Variants in AFF2 observed in about 807,000 individuals in gnomAD.
The protein encoded by AFF2 is AF4/FMR2 family member 2.
In AFF2, 14 loss-of-function variants were observed where a neutral mutation model predicts 76.9. The ratio of observed to expected loss-of-function variants is 0.18; its 90% CI spans 0.12 to 0.28. AFF2 has a LOEUF of 0.28. Ranked by LOEUF, AFF2 falls within the 10% of genes least tolerant of loss-of-function variation. The pLI is 1.00. For missense variants in AFF2, 868 were observed against 1,001.1 expected, an observed-to-expected ratio of 0.87 and a Z score of 1.79; for synonymous variants, 398 against 366.7, an observed-to-expected ratio of 1.09 and a Z score of -0.98.
At chrX:148,820,310 G>A (rs1180440331) in intron 4 of AFF2, among the ~76,000 whole-genome samples, 1 of 111,234 alleles carries the variant, frequency 9.0e-6, no homozygotes, top group East Asian at 2.8e-4. Flanking sequence ...GAGGGACACT[G>A]GTAATTTATA....
At chrX:148,622,177 C>A (rs2053875627) in intron 1 of AFF2, among the ~76,000 whole-genome samples, 1 of 111,855 alleles carries the variant, frequency 8.9e-6, no homozygotes, top group Admixed American at 9.5e-5. Context: ...ACAATGATTT[C>A]TATTATTCAG....
chrX:148,814,334 G>A (rs1354800275), intron 4 of AFF2, among the ~76,000 whole-genome samples: 1 of 111,947 alleles, frequency 8.9e-6, no homozygotes, highest in African/African-American at 3.2e-5. Flanking sequence ...ATGATTATTT[G>A]TTCTACAGTA....
chrX:148,710,033 A>G (rs1189845169), intron 3 of AFF2, among the ~76,000 whole-genome samples: 2 of 112,028 alleles, frequency 1.8e-5, no homozygotes, highest in African/African-American at 6.5e-5. Context: ...CAGAACCTAG[A>G]ATAGTCATGG....
At chrX:148,793,132 C>T (rs782450261) in intron 3 of AFF2, among the ~76,000 whole-genome samples, 1 of 110,860 alleles carries the variant, frequency 9.0e-6, no homozygotes, top group Non-Finnish European at 1.9e-5. Context: ...TACACACTAG[C>T]TAACCTCACC....
At chrX:148,670,425 G>A (rs1420991683) in intron 3 of AFF2, among the ~76,000 whole-genome samples, 1 of 111,908 alleles carries the variant, frequency 8.9e-6, no homozygotes, top group Non-Finnish European at 1.9e-5. Flanking sequence ...GTGCATATTA[G>A]TCATATTAGT....
intron 1 of AFF2, among the ~76,000 whole-genome samples, chrX:148,616,074 A>G (rs1238998391): frequency 5.4e-5 from 6 of 111,955 alleles, no homozygotes; most frequent in African/African-American, 1.9e-4. Flanking sequence ...TTATTCAAGC[A>G]TACAAACAGA....
At chrX:148,850,104 T>C (rs950778987) in intron 7 of AFF2, among the ~76,000 whole-genome samples, 1 of 111,682 alleles carries the variant, frequency 9.0e-6, no homozygotes, top group African/African-American at 3.3e-5. Context: ...AATATTCCCT[T>C]CAGTGAGGCT....
At chrX:148,885,672 AG>A (rs1208751891) in intron 7 of AFF2, among the ~76,000 whole-genome samples, 1 of 111,618 alleles carries the variant, frequency 9.0e-6, no homozygotes, top group Admixed American at 9.5e-5. Flanking sequence ...CCCTTGATTT[AG>A]GGGAAGGTAG....
intron 1 of AFF2, among the ~76,000 whole-genome samples, chrX:148,608,232 T>G (rs1557249030): frequency 8.9e-6 from 1 of 111,833 alleles, no homozygotes; most frequent in Admixed American, 9.5e-5. Context: ...TACCCCATTG[T>G]GTCAACAATT....
At chrX:148,834,403 T>C (rs2070494019) in intron 4 of AFF2, among the ~76,000 whole-genome samples, 1 of 111,323 alleles carries the variant, frequency 9.0e-6, no homozygotes, top group Non-Finnish European at 1.9e-5. Flanking sequence ...CCGTTGGGAA[T>C]ATGAATCCCT....
intron 3 of AFF2, among the ~76,000 whole-genome samples, chrX:148,772,812 T>C (rs1385108159): frequency 9.0e-6 from 1 of 111,240 alleles, no homozygotes; most frequent in Non-Finnish European, 1.9e-5. Flanking sequence ...CAACAAAAAA[T>C]GAGCAGCAAA....
At chrX:148,601,446 A>T (rs5980546) in intron 1 of AFF2, among the ~76,000 whole-genome samples, 1 of 110,376 alleles carries the variant, frequency 9.1e-6, no homozygotes, top group Admixed American at 9.6e-5. Flanking sequence ...TTTAAGAAAC[A>T]AAAGTCCAGT....
At chrX:148,601,701 A>G (rs1189448074) in intron 1 of AFF2, among the ~76,000 whole-genome samples, 1 of 111,744 alleles carries the variant, frequency 8.9e-6, no homozygotes. Context: ...ATTTTTGAGA[A>G]CAATTATTAT....
chrX:148,611,530 G>T (rs2053733062), intron 1 of AFF2, among the ~76,000 whole-genome samples: 1 of 111,376 alleles, frequency 9.0e-6, no homozygotes, highest in East Asian at 2.9e-4. Flanking sequence ...GAGGCTCTAG[G>T]GGAAAATCCA....
At chrX:148,635,754 G>A (rs2054024437) in intron 1 of AFF2, among the ~76,000 whole-genome samples, 1 of 110,576 alleles carries the variant, frequency 9.0e-6, no homozygotes, top group South Asian at 3.8e-4. Context: ...ATTAGTGACT[G>A]GGGCACAGTT....
intron 4 of AFF2, among the ~76,000 whole-genome samples, chrX:148,831,331 T>C (rs1437473555): frequency 1.8e-5 from 2 of 112,404 alleles, no homozygotes; most frequent in African/African-American, 3.2e-5. Flanking sequence ...AGAGTATTGA[T>C]TGGGGAAGTG....
chrX:148,662,803 T>A, intron 3 of AFF2, 35 bp downstream of exon 3: 1 of 1,172,606 alleles, frequency 8.5e-7, no homozygotes, highest in South Asian at 2.0e-5. Context: ...TGGTTTCACT[T>A]TTTTTTAGTT....
At chrX:148,678,840 T>C (rs2054513970) in intron 3 of AFF2, among the ~76,000 whole-genome samples, 1 of 111,951 alleles carries the variant, frequency 8.9e-6, no homozygotes, top group Non-Finnish European at 1.9e-5. Flanking sequence ...AAATTGTAGC[T>C]ACAGTGTGTT....
chrX:148,624,000 A>C (rs2053897529), intron 1 of AFF2, among the ~76,000 whole-genome samples: 2 of 112,030 alleles, frequency 1.8e-5, no homozygotes, highest in African/African-American at 6.5e-5. Flanking sequence ...ATTTGACAAA[A>C]ACTACACATC....
Sources: allele counts gnomAD v4.1 joint callset (sites outside exome capture counted in the v4.1 genomes callset), GRCh38; gene constraint gnomAD v4.1.1; transcripts MANE v1.5; gene names NCBI Gene and HGNC (gene_info 2026-07-23, HGNC 2026-07-21).